The following CHSY3 variants were observed in gnomAD, a reference collection of about 807,000 sequenced individuals.
CHSY3 encodes N-acetylgalactosaminyl-proteoglycan 3-beta-glucuronosyltransferase 3.
In CHSY3, 35 loss-of-function variants were observed where a neutral mutation model predicts 67.2. The observed-to-expected ratio is 0.52, with a 90% CI of 0.40 to 0.69. The LOEUF is 0.69. Ranked by LOEUF, CHSY3 falls within the 30% of genes least tolerant of loss-of-function variation. The probability of loss-of-function intolerance (pLI) is 0.00; values close to 1 mark genes in which losing one functional copy is unlikely to be tolerated. For synonymous variants in CHSY3, 474 were observed against 434.7 expected, an observed-to-expected ratio of 1.09 and a Z score of -1.12; for missense variants, 1,069 against 1,138.5, an observed-to-expected ratio of 0.94 and a Z score of 0.88.
chr5:129,963,978 A>G (rs1762404886), intron 2 of CHSY3, among the ~76,000 whole-genome samples: 1 of 151,934 alleles, frequency 6.6e-6, no homozygotes, highest in African/African-American at 2.4e-5. Flanking sequence ...AAATTTCTGA[A>G]TCATGGTAGT....
At position 130,062,196 on chromosome 5, in the gene CHSY3, T is replaced by A. The variant is rs552769708; in HGVS notation, c.1087-122033T>A. ...ACGAAAATGTGGTATATATACACCA[T>A]GGAATATTACATGGCCATTTTAATA... On this transcript the variant is annotated intron_variant, in intron 2 of 2. Transcript: ENST00000305031. Among the ~76,000 whole-genome samples, 27 of 152,272 alleles carry A rather than the reference T, an allele frequency of 1.8e-4. No homozygotes were observed. In the East Asian group the frequency reaches 5.2e-3, roughly 29 times the overall value.
intron 2 of CHSY3, among the ~76,000 whole-genome samples, chr5:130,182,949 G>GT (rs556477346): frequency 0.02 from 2,919 of 145,104 alleles, 77 homozygotes; most frequent in African/African-American, 0.067. Context: ...TATTAATTGA[G>GT]TTTTTTTTTT....
intron 2 of CHSY3, among the ~76,000 whole-genome samples, chr5:129,941,591 C>A (rs1761700526): frequency 6.6e-6 from 1 of 152,166 alleles, no homozygotes. Flanking sequence ...TAGAATCCAT[C>A]TAACAAGTGA....
At chr5:130,137,278 T>G (rs1768696270) in intron 2 of CHSY3, among the ~76,000 whole-genome samples, 1 of 152,182 alleles carries the variant, frequency 6.6e-6, no homozygotes, top group Admixed American at 6.5e-5. Flanking sequence ...CCTACAACTC[T>G]TTTCCTTTAT....
chr5:130,073,022 T>G (rs1766134425), intron 2 of CHSY3, among the ~76,000 whole-genome samples: 1 of 152,152 alleles, frequency 6.6e-6, no homozygotes, highest in Non-Finnish European at 1.5e-5. Flanking sequence ...GGGAAGATGT[T>G]GATCAAAGGG....
chr5:130,148,509 A>G (rs1254749273), intron 2 of CHSY3, among the ~76,000 whole-genome samples: 1 of 152,136 alleles, frequency 6.6e-6, no homozygotes, highest in African/African-American at 2.4e-5. Context: ...TTACACTCCC[A>G]CCAATACTGT....
rs201887998 is a variant in CHSY3 at position 130,085,993 on chromosome 5, G to A, written c.1087-98236G>A. Among the ~76,000 whole-genome samples the A allele has an allele frequency of 7.9e-5, 12 of 152,028 alleles. No individual in the cohort carries two copies. In the South Asian group the frequency reaches 8.3e-4, roughly 10 times the overall value. On this transcript the variant is annotated intron_variant, in intron 2 of 2. Transcript: ENST00000305031. ...TGAGAGACAGTTTGTTATAATTTCC[G>A]TTCTTTTACATTTGCTGAGGAGTGC... is the stretch of plus-strand genomic sequence containing the variant.
intron 2 of CHSY3, among the ~76,000 whole-genome samples, chr5:130,174,885 G>A (rs1267017313): frequency 6.6e-6 from 1 of 152,088 alleles, no homozygotes; most frequent in East Asian, 1.9e-4. Flanking sequence ...ATGGCATCTG[G>A]CTCCAGAATC....
At chr5:130,098,515 A>T (rs2149697048) in intron 2 of CHSY3, among the ~76,000 whole-genome samples, 1 of 152,278 alleles carries the variant, frequency 6.6e-6, no homozygotes, top group Middle Eastern at 3.4e-3. Context: ...CACAAATAAG[A>T]CTTCTCTGAA....
At chr5:129,943,873 A>T (rs1180707425) in intron 2 of CHSY3, among the ~76,000 whole-genome samples, 1 of 152,240 alleles carries the variant, frequency 6.6e-6, no homozygotes, top group Non-Finnish European at 1.5e-5. Context: ...GAAAGGCATT[A>T]ACTGGAAATC....
intron 2 of CHSY3, among the ~76,000 whole-genome samples, chr5:129,952,128 C>CA (rs1214650252): frequency 2.6e-5 from 4 of 152,078 alleles, no homozygotes; most frequent in African/African-American, 9.7e-5. Context: ...GGTTTTAAGG[C>CA]AGTCAAGAGA....
At position 130,088,333 on chromosome 5, in the gene CHSY3, A is replaced by G. The variant is rs549324058; in HGVS notation, c.1087-95896A>G. ...GCAAGGACTTCATGTCTAAAACACC[A>G]AAAGCAATGGCAACAAAAGCCAAAA... On this transcript the variant is annotated intron_variant, in intron 2 of 2. Transcript: ENST00000305031. 3.1e-4 allele frequency among the ~76,000 whole-genome samples: 46 copies of G among 148,996 alleles called. No homozygotes were observed. In the East Asian group the frequency reaches 8.3e-3, roughly 27 times the overall value.
intron 2 of CHSY3, among the ~76,000 whole-genome samples, chr5:129,984,679 CAT>C (rs1174847773): frequency 6.6e-6 from 1 of 152,120 alleles, no homozygotes; most frequent in Non-Finnish European, 1.5e-5. Flanking sequence ...ATCTTGTCAG[CAT>C]ATGTTATTTT....
At chr5:130,069,076 C>T (rs1370344914) in intron 2 of CHSY3, among the ~76,000 whole-genome samples, 1 of 151,910 alleles carries the variant, frequency 6.6e-6, no homozygotes, top group Admixed American at 6.6e-5. Context: ...CCTGTAAATC[C>T]CATTAGCTGA....
chr5:130,125,798 T>A (rs1768262617), intron 2 of CHSY3, among the ~76,000 whole-genome samples: 3 of 152,348 alleles, frequency 2.0e-5, no homozygotes, highest in South Asian at 4.1e-4. Context: ...CTCATAAGAA[T>A]GGCTACTAAG....
intron 2 of CHSY3, among the ~76,000 whole-genome samples, chr5:129,927,010 T>C (rs1486911647): frequency 6.6e-6 from 1 of 151,996 alleles, no homozygotes; most frequent in Non-Finnish European, 1.5e-5. Flanking sequence ...TAATGAATCA[T>C]AGTGTATTAA....
chr5:130,051,029 T>A (rs1256248353), intron 2 of CHSY3, among the ~76,000 whole-genome samples: 3 of 152,134 alleles, frequency 2.0e-5, no homozygotes, highest in Non-Finnish European at 2.9e-5. Context: ...GGAAAAAAGT[T>A]AAAAGCTATA....
chr5:130,127,302 G>C (rs995940189), intron 2 of CHSY3, among the ~76,000 whole-genome samples: 1 of 151,974 alleles, frequency 6.6e-6, no homozygotes, highest in African/African-American at 2.4e-5. Context: ...GCCATGCTCT[G>C]TGCCAGACAC....
At chr5:130,102,743 A>G (rs73244841) in intron 2 of CHSY3, among the ~76,000 whole-genome samples, 23,836 of 152,040 alleles carry the variant, frequency 0.16, 2,222 homozygotes, top group East Asian at 0.37. Context: ...TTGAAATTTA[A>G]ATTCCTACAT....
Sources: allele counts gnomAD v4.1 joint callset (sites outside exome capture counted in the v4.1 genomes callset), GRCh38; gene constraint gnomAD v4.1.1; transcripts MANE v1.5; gene names NCBI Gene and HGNC (gene_info 2026-07-23, HGNC 2026-07-21).